The following LGSN variants were observed in gnomAD, a reference collection of about 807,000 sequenced individuals.
LGSN encodes the protein lengsin.
In LGSN, 21 loss-of-function variants were observed where a neutral mutation model predicts 19.5. That is an observed-to-expected ratio of 1.07 (90% CI 0.76 to 1.55). The LOEUF (loss-of-function observed/expected upper bound fraction) is 1.55. Ranked by LOEUF, LGSN falls within the 40% of genes most tolerant of loss-of-function variation. LGSN has a pLI of 0.00. For synonymous variants in LGSN, 257 were observed against 215.6 expected (o/e 1.19, Z -1.68); for missense variants, 673 against 608.5 (o/e 1.11, Z -1.12).
chr6:63,495,064 T>A, the LGSN span, among the ~76,000 whole-genome samples: 4 of 152,124 alleles, frequency 2.6e-5, no homozygotes. Flanking sequence ...CACATTTAAT[T>A]CACTGTCCAC....
chr6:63,412,533 A>AAG, the LGSN span, among the ~76,000 whole-genome samples: 1 of 85,158 alleles, frequency 1.2e-5, no homozygotes, highest in African/African-American at 5.1e-5. Context: ...AAAGAAGGAA[A>AAG]GAAAGAAAGA....
At chr6:63,555,620 A>C in the LGSN span, among the ~76,000 whole-genome samples, 36 of 151,966 alleles carry the variant, frequency 2.4e-4, no homozygotes, top group South Asian at 4.8e-3. Context: ...TTGTATTACC[A>C]AAGGCATACA....
chr6:63,391,362 G>A, the LGSN span, among the ~76,000 whole-genome samples: 1 of 152,208 alleles, frequency 6.6e-6, no homozygotes, highest in Admixed American at 6.5e-5. Flanking sequence ...AGCTCATTCA[G>A]AATACACAAT....
At chr6:63,436,133 G>A in the LGSN span, among the ~76,000 whole-genome samples, 1 of 152,062 alleles carries the variant, frequency 6.6e-6, no homozygotes, top group Non-Finnish European at 1.5e-5. Flanking sequence ...CTCATGTAAA[G>A]TAGCCCTACC....
intron 2 of LGSN, among the ~76,000 whole-genome samples, chr6:63,287,209 T>C (rs920086259): frequency 3.3e-5 from 5 of 152,240 alleles, no homozygotes; most frequent in Non-Finnish European, 5.9e-5. Flanking sequence ...CTATCACTGA[T>C]ACATTTGGCT....
chr6:63,451,386 T>C, the LGSN span, among the ~76,000 whole-genome samples: 3 of 152,228 alleles, frequency 2.0e-5, no homozygotes, highest in Non-Finnish European at 4.4e-5. Context: ...GTGGTACATA[T>C]ACAACATGGA....
intron 1 of LGSN, among the ~76,000 whole-genome samples, chr6:63,297,279 G>T (rs1768010611): frequency 6.7e-6 from 1 of 149,752 alleles, no homozygotes; most frequent in Admixed American, 6.8e-5. Flanking sequence ...GGCAGCCGAG[G>T]TTGCAGTGAG....
the LGSN span, among the ~76,000 whole-genome samples, chr6:63,530,756 T>C: frequency 1.1e-4 from 16 of 152,102 alleles, no homozygotes; most frequent in East Asian, 2.1e-3. Flanking sequence ...CCTGAATTCA[T>C]TTTTTCTTAT....
chr6:63,437,128 AAGAAAGAAAGG>A, the LGSN span, among the ~76,000 whole-genome samples: 27 of 43,106 alleles, frequency 6.3e-4, no homozygotes, highest in South Asian at 3.2e-3. Context: ...GGAGAAGGAA[AAGAAAGAAAGG>A]AGAAAGAAAG....
chr6:63,288,155 T>G (rs1231495868), intron 2 of LGSN, among the ~76,000 whole-genome samples: 1 of 151,600 alleles, frequency 6.6e-6, no homozygotes, highest in South Asian at 2.1e-4. Flanking sequence ...GAGGTGGAAG[T>G]TGCAGCTCCA....
the LGSN span, among the ~76,000 whole-genome samples, chr6:63,416,177 G>GA: frequency 7.8e-5 from 11 of 140,938 alleles, no homozygotes; most frequent in East Asian, 2.0e-4. Context: ...GCTCATCTCT[G>GA]AAAAAAAAAT....
chr6:63,556,321 GTT>G, the LGSN span, among the ~76,000 whole-genome samples: 3 of 145,832 alleles, frequency 2.1e-5, no homozygotes, highest in East Asian at 2.0e-4. Context: ...ATCAAACTTG[GTT>G]TTTTTTTTTC....
chr6:63,389,512 A>C, the LGSN span, among the ~76,000 whole-genome samples: 2 of 152,232 alleles, frequency 1.3e-5, no homozygotes, highest in Non-Finnish European at 2.9e-5. Flanking sequence ...ATCTGATAAC[A>C]GAAGAAGAGA....
chr6:63,407,964 A>C, the LGSN span, among the ~76,000 whole-genome samples: 4 of 152,294 alleles, frequency 2.6e-5, no homozygotes, highest in African/African-American at 9.6e-5. Flanking sequence ...TAGGAATCCA[A>C]CTTACAAGGG....
the LGSN span, among the ~76,000 whole-genome samples, chr6:63,552,074 G>T: frequency 6.6e-6 from 1 of 152,100 alleles, no homozygotes; most frequent in East Asian, 1.9e-4. Context: ...GGGATGGCTG[G>T]GTCAAATGGT....
the LGSN span, among the ~76,000 whole-genome samples, chr6:63,458,971 G>A: frequency 1.3e-5 from 2 of 152,114 alleles, no homozygotes; most frequent in Non-Finnish European, 2.9e-5. Flanking sequence ...GAAACCCTTT[G>A]TTTATTCATA....
the LGSN span, chr6:63,440,774 C>G: frequency 6.4e-6 from 1 of 156,062 alleles, no homozygotes; most frequent in Non-Finnish European, 1.4e-5. Flanking sequence ...CCATGACCAA[C>G]GCAGATAGCG....
At chr6:63,506,736 T>C in the LGSN span, among the ~76,000 whole-genome samples, 1 of 152,218 alleles carries the variant, frequency 6.6e-6, no homozygotes, top group African/African-American at 2.4e-5. Context: ...CTCTTCATTT[T>C]CTTCCCAAAA....
At chr6:63,514,712 T>G in the LGSN span, among the ~76,000 whole-genome samples, 3 of 152,148 alleles carry the variant, frequency 2.0e-5, no homozygotes, top group African/African-American at 7.2e-5. Flanking sequence ...CAAGTGCTTT[T>G]TGTTTGTTTG....
Sources: allele counts gnomAD v4.1 joint callset (sites outside exome capture counted in the v4.1 genomes callset), GRCh38; gene constraint gnomAD v4.1.1; transcripts MANE v1.5; gene names NCBI Gene and HGNC (gene_info 2026-07-23, HGNC 2026-07-21).